Variants in ADAMTS6 observed in about 807,000 individuals in gnomAD.
The protein encoded by ADAMTS6 is ADAM metallopeptidase with thrombospondin type 1 motif 6, also known as A disintegrin and metalloproteinase with thrombospondin motifs 6.
Under a neutral mutation model 144.3 loss-of-function variants are expected in ADAMTS6, and 23 were observed. The observed-to-expected ratio is 0.16, with a 90% CI of 0.11 to 0.23. The LOEUF (loss-of-function observed/expected upper bound fraction) is 0.23. Ranked by LOEUF, ADAMTS6 falls within the 10% of genes least tolerant of loss-of-function variation. ADAMTS6 has a pLI of 1.00. For synonymous variants in ADAMTS6, 444 were observed against 457.5 expected, an observed-to-expected ratio of 0.97 and a Z score of 0.38; for missense variants, 999 against 1,379.6, an observed-to-expected ratio of 0.72 and a Z score of 4.37.
chr5:65,200,761 G>T (rs1755682433), intron 20 of ADAMTS6, among the ~76,000 whole-genome samples: 1 of 150,768 alleles, frequency 6.6e-6, no homozygotes, highest in African/African-American at 2.5e-5. Context: ...CTTAAAAAAA[G>T]TAATGGCTTC....
chr5:65,242,151 T>A lies in ADAMTS6; in HGVS notation c.1886A>T (p.Asn629Ile), dbSNP rs755432860. 1 of 1,604,190 alleles carries A rather than the reference T, an allele frequency of 6.2e-7. No homozygotes were observed. ...FREKQCADFD[N>I]MPFRGKYYNW... Reference sequence around the variant, plus strand: ...ATAATACTTTCCTCGGAAAGGCATATTGTCAAAGTCTGCACACTGTTTCTC... The same window carrying A: ...ATAATACTTTCCTCGGAAAGGCATAATGTCAAAGTCTGCACACTGTTTCTC... Residue 629 changes from asparagine to isoleucine, a missense_variant, in exon 15 of 25, where the codon AAT becomes ATT. By Grantham distance (149) the Asn-to-Ile change is moderately radical (BLOSUM62 -3). This residue lies in a region of ADAMTS6 where 619 missense variants were observed against 837.0 expected (regional missense o/e 0.74). Transcript: ENST00000381055.
At chr5:65,353,412 GT>G (rs2150092832) in intron 7 of ADAMTS6, among the ~76,000 whole-genome samples, 1 of 152,106 alleles carries the variant, frequency 6.6e-6, no homozygotes, top group African/African-American at 2.4e-5. Context: ...TTTGAAAACA[GT>G]CTAGTGTTCT....
At chr5:65,386,752 A>G (rs1364323767) in intron 7 of ADAMTS6, among the ~76,000 whole-genome samples, 3 of 151,864 alleles carry the variant, frequency 2.0e-5, no homozygotes, top group Non-Finnish European at 4.4e-5. Flanking sequence ...CACACCCACT[A>G]ATTTTTGTAT....
At position 65,340,561 on chromosome 5, in the gene ADAMTS6, C is replaced by T. The variant is rs562396971; in HGVS notation, c.1074-6476G>A. 4.0e-5 allele frequency among the ~76,000 whole-genome samples: 6 copies of T among 151,762 alleles called. No individual in the cohort carries two copies. The South Asian group carries it at 1.2e-3, about 32-fold the overall frequency. On this transcript the variant is annotated intron_variant, in intron 7 of 24. Coordinates refer to ENST00000381055, the MANE Select transcript of ADAMTS6 (RefSeq NM_197941.4). Reference sequence around the variant, plus strand: ...AGGAAGGAAGGAGCAAATGATAAACCAAATAACTGGAAAATGATCGATAAA... The same window carrying T: ...AGGAAGGAAGGAGCAAATGATAAACTAAATAACTGGAAAATGATCGATAAA...
intron 11 of ADAMTS6, among the ~76,000 whole-genome samples, chr5:65,279,066 C>T (rs536821124): frequency 6.6e-6 from 1 of 151,994 alleles, no homozygotes; most frequent in Non-Finnish European, 1.5e-5. Context: ...ACCTCATCCC[C>T]CAAAGTAGCT....
At chr5:65,262,763 G>T in intron 13 of ADAMTS6, 54 bp downstream of exon 13, 3 of 1,456,172 alleles carry the variant, frequency 2.1e-6, no homozygotes, top group South Asian at 3.0e-5. Flanking sequence ...CCACAGCTTT[G>T]AATCATTTCC....
chr5:65,253,613 T>A (rs1341606433), intron 14 of ADAMTS6, among the ~76,000 whole-genome samples: 1 of 152,066 alleles, frequency 6.6e-6, no homozygotes, highest in Non-Finnish European at 1.5e-5. Flanking sequence ...TATATTCTTT[T>A]AAATCCTTTA....
intron 17 of ADAMTS6, 67 bp downstream of exon 17, chr5:65,224,857 G>A (rs56274850): frequency 0.14 from 208,051 of 1,482,286 alleles, 16,343 homozygotes; most frequent in African/African-American, 0.29. Context: ...AGGGGGAGGC[G>A]AAGCGAGGGT....
At chr5:65,373,593 A>C (rs1236015891) in intron 7 of ADAMTS6, among the ~76,000 whole-genome samples, 2 of 152,058 alleles carry the variant, frequency 1.3e-5, no homozygotes, top group African/African-American at 4.8e-5. Flanking sequence ...CAATAACAGG[A>C]TTTGAAATTG....
intron 11 of ADAMTS6, among the ~76,000 whole-genome samples, chr5:65,285,318 C>G (rs1052790932): frequency 6.6e-6 from 1 of 152,126 alleles, no homozygotes; most frequent in Non-Finnish European, 1.5e-5. Flanking sequence ...TCTCTCACCT[C>G]TTCAAATACA....
chr5:65,271,463 T>C (rs1762051938), intron 12 of ADAMTS6, among the ~76,000 whole-genome samples: 4 of 152,036 alleles, frequency 2.6e-5, no homozygotes, highest in Admixed American at 1.3e-4. Flanking sequence ...AGCTTTAAAA[T>C]TGTCTGAGAG....
chr5:65,173,039 G>A (rs376192625), intron 22 of ADAMTS6, 31 bp from the exon 23 acceptor site: 11 of 1,601,884 alleles, frequency 6.9e-6, no homozygotes, highest in East Asian at 4.5e-5. Context: ...AATGAATCAC[G>A]ACAGTTTAAA....
rs813088 is a variant in ADAMTS6 at position 65,390,954 on chromosome 5, G to T, written c.1074-56869C>A. On this transcript the variant is annotated intron_variant, in intron 7 of 24. Transcript: ENST00000381055. ...AGTTGGTTTTGTTTGTTTTTTGAGGGTTTTTTTTTTTTTTGAAAGGTTCTC... is the reference window on the plus strand; with the variant it reads ...AGTTGGTTTTGTTTGTTTTTTGAGGTTTTTTTTTTTTTTTGAAAGGTTCTC... Among the ~76,000 whole-genome samples the T allele has an allele frequency of 5.4e-3, 760 of 141,258 alleles. 12 individuals are homozygous for T. The highest frequency in any genetic ancestry group is 0.018 in the African/African-American group (720 of 38,970). The allele number at this position is 141,258 out of a possible 152,430, so 92.7% of individuals were successfully genotyped here.
chr5:65,224,179 T>C, intron 18 of ADAMTS6, 141 bp downstream of exon 18: 1 of 668,768 alleles, frequency 1.5e-6, no homozygotes, highest in Non-Finnish European at 2.6e-6. Context: ...TGTATATGTG[T>C]TCTATAAAAC....
At chr5:65,248,702 G>A (rs1759866582) in intron 14 of ADAMTS6, among the ~76,000 whole-genome samples, 1 of 152,022 alleles carries the variant, frequency 6.6e-6, no homozygotes, top group Non-Finnish European at 1.5e-5. Context: ...TGAGAGGATT[G>A]CTTGAGCCTG....
At chr5:65,478,529 T>C (rs1378616178) in intron 1 of ADAMTS6, among the ~76,000 whole-genome samples, 1 of 152,218 alleles carries the variant, frequency 6.6e-6, no homozygotes, top group Non-Finnish European at 1.5e-5. Context: ...AGAGATTAGA[T>C]TACATATGAC....
chr5:65,210,638 T>A (rs1756460144), intron 20 of ADAMTS6: 1 of 610,430 alleles, frequency 1.6e-6, no homozygotes, highest in South Asian at 1.6e-5. Flanking sequence ...GGCTTGTCTA[T>A]CCCTCACAGT....
chr5:65,414,698 T>C (rs768354043), intron 7 of ADAMTS6, among the ~76,000 whole-genome samples: 2 of 152,164 alleles, frequency 1.3e-5, no homozygotes, highest in African/African-American at 2.4e-5. Context: ...TTGGTAGTGA[T>C]TTAGAATAGG....
intron 7 of ADAMTS6, among the ~76,000 whole-genome samples, chr5:65,425,377 C>T (rs556785359): frequency 6.6e-6 from 1 of 152,110 alleles, no homozygotes; most frequent in South Asian, 2.1e-4. Flanking sequence ...TTTTTCCTAC[C>T]TAATGGATTT....
Sources: gnomAD v4.1 joint callset for allele counts (sites outside exome capture counted in the v4.1 genomes callset) on GRCh38, gnomAD v4.1.1 for gene constraint, gnomAD v4.1.1 regional missense constraint, MANE v1.5 for transcripts, NCBI Gene and HGNC (gene_info 2026-07-23, HGNC 2026-07-21) for gene names.